Variants in OR9Q1 observed in about 807,000 individuals in gnomAD.
OR9Q1 encodes olfactory receptor family 9 subfamily Q member 1.
For synonymous variants in OR9Q1, 153 were observed against 148.6 expected, an observed-to-expected ratio of 1.03 and a Z score of -0.22; for missense variants, 374 against 378.8, an observed-to-expected ratio of 0.99 and a Z score of 0.11.
chr11:58,121,094 C>T (rs7934149), intron 2 of OR9Q1, among the ~76,000 whole-genome samples: 32,591 of 151,940 alleles, frequency 0.21, 3,975 homozygotes, highest in Middle Eastern at 0.38. Context: ...ATTGGATACA[C>T]AGAAAAGGAA....
chr11:58,131,425 A>T (rs1196448184), intron 2 of OR9Q1, among the ~76,000 whole-genome samples: 3 of 152,190 alleles, frequency 2.0e-5, no homozygotes, highest in Non-Finnish European at 2.9e-5. Context: ...ATATATCTTT[A>T]TTAATAAGTC....
intron 2 of OR9Q1, chr11:58,077,592 C>A (rs1331396352): frequency 6.6e-6 from 1 of 152,096 alleles, no homozygotes; most frequent in East Asian, 1.9e-4. Context: ...ATTGGCTTTG[C>A]CACTCGATGA....
chr11:58,024,477 C>T (rs1852951190), intron 1 of OR9Q1, among the ~76,000 whole-genome samples: 1 of 152,184 alleles, frequency 6.6e-6, no homozygotes, highest in African/African-American at 2.4e-5. Context: ...CAGCGTTTCT[C>T]ACCAGGCTTG....
At chr11:58,067,284 C>T (rs1305159678) in intron 2 of OR9Q1, among the ~76,000 whole-genome samples, 1 of 152,094 alleles carries the variant, frequency 6.6e-6, no homozygotes, top group African/African-American at 2.4e-5. Context: ...GATCCGCCCA[C>T]CTCGGCCTCC....
chr11:58,153,087 A>C (rs1172274111), intron 2 of OR9Q1, among the ~76,000 whole-genome samples: 1 of 152,256 alleles, frequency 6.6e-6, no homozygotes. Flanking sequence ...GGATGAGCTG[A>C]ATCTAGCAGG....
chr11:58,038,721 G>C (rs1853131385), intron 1 of OR9Q1, among the ~76,000 whole-genome samples: 1 of 152,300 alleles, frequency 6.6e-6, no homozygotes, highest in Admixed American at 6.5e-5. Context: ...ATTGTCAAAA[G>C]CTCTGGTATA....
At chr11:58,149,201 T>C (rs1048235666) in intron 2 of OR9Q1, among the ~76,000 whole-genome samples, 4 of 152,168 alleles carry the variant, frequency 2.6e-5, no homozygotes, top group Admixed American at 2.0e-4. Flanking sequence ...AAAAAAGCAT[T>C]GTAAAAATAG....
intron 2 of OR9Q1, among the ~76,000 whole-genome samples, chr11:58,084,228 T>C (rs1278580528): frequency 6.6e-6 from 1 of 151,928 alleles, no homozygotes; most frequent in Non-Finnish European, 1.5e-5. Flanking sequence ...TTATTATAAA[T>C]GGGATTATGT....
intron 1 of OR9Q1, chr11:58,044,971 C>T (rs1853202267): frequency 1.3e-5 from 2 of 152,060 alleles, no homozygotes; most frequent in South Asian, 2.1e-4. Flanking sequence ...TGGAAAATTC[C>T]ACACCTGACT....
At chr11:58,029,843 C>CTTTT (rs58928895) in intron 1 of OR9Q1, among the ~76,000 whole-genome samples, 1,687 of 139,108 alleles carry the variant, frequency 0.012, 36 homozygotes, top group South Asian at 0.054. Flanking sequence ...CTGCCTCCTC[C>CTTTT]TTTTTTTTTT....
intron 2 of OR9Q1, among the ~76,000 whole-genome samples, chr11:58,082,507 A>G (rs1188257923): frequency 1.3e-5 from 2 of 148,714 alleles, no homozygotes; most frequent in Non-Finnish European, 3.0e-5. Flanking sequence ...CAAAAAACCA[A>G]ATACCACATG....
intron 2 of OR9Q1, among the ~76,000 whole-genome samples, chr11:58,126,249 C>T (rs1394576111): frequency 6.6e-6 from 1 of 152,176 alleles, no homozygotes; most frequent in Non-Finnish European, 1.5e-5. Flanking sequence ...CACTGAACTC[C>T]ACTTGTCTTA....
At chr11:58,106,833 A>G (rs1235735464) in intron 2 of OR9Q1, among the ~76,000 whole-genome samples, 1 of 152,158 alleles carries the variant, frequency 6.6e-6, no homozygotes, top group Non-Finnish European at 1.5e-5. Flanking sequence ...TGGGCTGCCT[A>G]TTCTGTTCCA....
chr11:58,082,770 T>TA (rs906445727), intron 2 of OR9Q1, among the ~76,000 whole-genome samples: 2 of 95,988 alleles, frequency 2.1e-5, no homozygotes, highest in Non-Finnish European at 4.5e-5. Flanking sequence ...ATAATAATAA[T>TA]AAAAAGTTAG....
At chr11:58,142,618 A>G (rs1245016088) in intron 2 of OR9Q1, among the ~76,000 whole-genome samples, 2 of 152,166 alleles carry the variant, frequency 1.3e-5, no homozygotes, top group Admixed American at 1.3e-4. Flanking sequence ...GTCCTATGAG[A>G]TCTTTTTCAA....
intron 2 of OR9Q1, among the ~76,000 whole-genome samples, chr11:58,149,770 A>G (rs1854331572): frequency 6.6e-6 from 1 of 152,168 alleles, no homozygotes; most frequent in African/African-American, 2.4e-5. Context: ...AGGTTCATGC[A>G]TTTTGTAGCA....
rs557336687 is a variant in OR9Q1 at position 58,047,263 on chromosome 11, C to T, written c.-92-8607C>T. On this transcript the variant is annotated intron_variant, in intron 1 of 2. Transcript: ENST00000335397. ...TTCAATATGACAAATACTCCTGGAG[C>T]TTGGGATGTGAGAGGTGCTGTGTGG... The T allele has an allele frequency of 6.6e-5, 10 of 152,302 alleles. No individual in the cohort carries two copies. In the East Asian group the frequency reaches 1.7e-3, roughly 27 times the overall value. 9.4% of individuals were successfully genotyped at this position (152,302 alleles called of 1,614,324 possible). A position where few individuals can be genotyped will look rare whatever the true frequency, so the allele number is the denominator to read the frequency against.
chr11:58,027,953 G>A (rs1433371071), intron 1 of OR9Q1, among the ~76,000 whole-genome samples: 1 of 152,050 alleles, frequency 6.6e-6, no homozygotes, highest in Non-Finnish European at 1.5e-5. Flanking sequence ...AGGCCCCAGG[G>A]TGGATGTCGG....
At chr11:58,092,656 TC>T (rs1853695710) in intron 2 of OR9Q1, among the ~76,000 whole-genome samples, 1 of 152,178 alleles carries the variant, frequency 6.6e-6, no homozygotes. Context: ...TTTTTTCGTT[TC>T]TCCTTTTTAT....
Sources: allele counts gnomAD v4.1 joint callset (sites outside exome capture counted in the v4.1 genomes callset), GRCh38; gene constraint gnomAD v4.1.1; transcripts MANE v1.5; gene names NCBI Gene and HGNC (gene_info 2026-07-23, HGNC 2026-07-21).